The following SRSF7 variants were observed in gnomAD, a reference collection of about 807,000 sequenced individuals.
The protein encoded by SRSF7 is serine/arginine-rich splicing factor 7.
SRSF7 carries 15 observed loss-of-function variants against 42.2 expected under a neutral mutation model. That is an observed-to-expected ratio of 0.36 (90% CI 0.24 to 0.55). The LOEUF is 0.55. Among genes scored for constraint, SRSF7 ranks in the 20% least tolerant of loss-of-function variants. The pLI is 0.88. For synonymous variants in SRSF7, 138 were observed against 107.9 expected, an observed-to-expected ratio of 1.28 and a Z score of -1.73; for missense variants, 181 against 305.9, an observed-to-expected ratio of 0.59 and a Z score of 3.04.
rs190607260 is a variant in SRSF7 at position 38,746,921 on chromosome 2, A to G, written c.573-174T>C. 777 of 1,096,264 alleles carry G rather than the reference A, an allele frequency of 7.1e-4. 5 individuals carry two copies. The African/African-American group carries it at 0.011, about 16-fold the overall frequency. 67.9% of individuals were successfully genotyped at this position (1,096,264 alleles called of 1,614,324 possible). A position where few individuals can be genotyped will look rare whatever the true frequency, so the allele number is the denominator to read the frequency against. On this transcript the variant is annotated intron_variant, in intron 5 of 7. Coordinates refer to ENST00000313117, the MANE Select transcript of SRSF7 (RefSeq NM_001031684.3). ...AAACAAAGTGTTACCAGACATAAGG[A>G]ACCCCCATTTCAATTACTTGTTTCT...
At chr2:38,750,539 G>A (rs1668153691) in intron 1 of SRSF7, among the ~76,000 whole-genome samples, 1 of 151,702 alleles carries the variant, frequency 6.6e-6, no homozygotes, top group Admixed American at 6.6e-5. Context: ...GCCCGCAGCG[G>A]CAGCGGCGTC....
Position 38,749,693 on chromosome 2 carries a change from G to A in SRSF7, c.222C>T (p.Gly74=). The A allele has an allele frequency of 2.6e-6, 4 of 1,554,168 alleles. No individual in the cohort carries two copies. The South Asian group carries it at 3.7e-5, about 14-fold the overall frequency. ...VRGLDGKVIC[G]SRVRVELSTG... is the part of the protein sequence containing the mutation. ...TCGATAGTTCAACCCTCACTCGGGA[G>A]CCACAAATCACCCTAATAAAAGCAA... Residue 74 remains glycine, a synonymous_variant, in exon 3 of 8, where the codon GGC becomes GGT. Coordinates refer to ENST00000313117, the MANE Select transcript of SRSF7 (RefSeq NM_001031684.3).
intron 7 of SRSF7, among the ~76,000 whole-genome samples, 180 bp downstream of exon 7, chr2:38,745,964 A>G (rs1025698006): frequency 3.9e-5 from 6 of 152,220 alleles, no homozygotes; most frequent in Admixed American, 2.6e-4. Flanking sequence ...ATTTCCAGCA[A>G]AAGTATAAAC....
chr2:38,745,391 G>T (rs747028561), intron 7 of SRSF7, among the ~76,000 whole-genome samples: 1 of 152,176 alleles, frequency 6.6e-6, no homozygotes, highest in Non-Finnish European at 1.5e-5. Context: ...GGTGGCTCAC[G>T]CCTGTAACCC....
chr2:38,751,342 A>G lies in SRSF7; in HGVS notation c.-86T>C. On this transcript the variant is annotated 5_prime_UTR_variant, in exon 1 of 8. Transcript: ENST00000313117. ...AAGCTGACACACACCTTCACCCGCC[A>G]AGAGTCCCGGCGGCACTACGAGGAA... The G allele has an allele frequency of 6.3e-7, 1 of 1,590,420 alleles. No individual in the cohort carries two copies. The highest frequency in any genetic ancestry group is 2.2e-5 in the East Asian group (1 of 44,664).
chr2:38,751,058 C>G, intron 1 of SRSF7, 171 bp downstream of exon 1: 1 of 772,748 alleles, frequency 1.3e-6, no homozygotes, highest in Non-Finnish European at 2.2e-6. Context: ...CACCCGCCAT[C>G]CCGTCTCCCT....
chr2:38,744,559 ACAT>A lies in SRSF7; in HGVS notation c.*571_*573del. The stretch of plus-strand genomic sequence containing the variant: ...TAGTTCCTGTCATGCTCATTTAGAC[ACAT>A]CAGTGGTCCTACTTGCTTCACCACT... On this transcript the variant is annotated 3_prime_UTR_variant, in exon 8 of 8. Transcript: ENST00000313117. The A allele has an allele frequency of 2.0e-5, 3 of 152,410 alleles. No homozygotes were observed. Among genetic ancestry groups the A allele is most frequent in the East Asian group, 3.8e-4 (2 of 5,198 alleles). The allele number at this position is 152,410 out of a possible 1,614,324, so 9.4% of individuals were successfully genotyped here. A position where few individuals can be genotyped will look rare whatever the true frequency, so the allele number is the denominator to read the frequency against.
chr2:38,747,663 A>G (rs758773704), intron 5 of SRSF7, among the ~76,000 whole-genome samples: 2 of 152,158 alleles, frequency 1.3e-5, no homozygotes, highest in Non-Finnish European at 2.9e-5. Flanking sequence ...AAAATGAGAA[A>G]TGTTTCTACT....
intron 1 of SRSF7, among the ~76,000 whole-genome samples, chr2:38,750,469 G>A (rs1241058963): frequency 6.6e-6 from 1 of 151,812 alleles, no homozygotes; most frequent in Non-Finnish European, 1.5e-5. Flanking sequence ...GCGTGGGGCG[G>A]AACCTGGCCC....
intron 3 of SRSF7, chr2:38,748,930 CATGGTCTAGTAGATCTAG>C: frequency 7.5e-7 from 1 of 1,339,122 alleles, no homozygotes; most frequent in Non-Finnish European, 9.6e-7. Context: ...CTCTTTGGCC[CATGGTCTAGTAGATCTAG>C]ACGATCTAGA....
rs11901672 is a variant in SRSF7 at position 38,749,783 on chromosome 2, A to G, written c.210-78T>C. 5,850 of 1,411,388 alleles carry G rather than the reference A, an allele frequency of 4.1e-3. 210 individuals are homozygous for G. The African/African-American group carries it at 0.076, about 18-fold the overall frequency. 87.4% of individuals were successfully genotyped at this position (1,411,388 alleles called of 1,614,324 possible). On this transcript the variant is annotated intron_variant, in intron 2 of 7. Coordinates refer to ENST00000313117, the MANE Select transcript of SRSF7 (RefSeq NM_001031684.3). ...ATAGATTTAAAAAGAACTCTTTCCAACCACTCACTCTTTCCAACCACTCCT... is the reference window on the plus strand; with the variant it reads ...ATAGATTTAAAAAGAACTCTTTCCAGCCACTCACTCTTTCCAACCACTCCT...
At chr2:38,747,093 A>G (rs1477464492) in intron 5 of SRSF7, 1 of 486,814 alleles carries the variant, frequency 2.1e-6, no homozygotes, top group East Asian at 6.4e-5. Context: ...TCAGCTGGGC[A>G]CTGTGGTACA....
Position 38,743,976 on chromosome 2 carries a change from G to A in SRSF7, c.*1157C>T. ...AAAACTCTCAAAAGTAACTGTTACTGCCCTACTATTCTTAAGATACTTAAA... is the reference window on the plus strand; with the variant it reads ...AAAACTCTCAAAAGTAACTGTTACTACCCTACTATTCTTAAGATACTTAAA... On this transcript the variant is annotated 3_prime_UTR_variant, in exon 8 of 8. Transcript: ENST00000313117. 3.6e-3 allele frequency: 546 copies of A among 151,384 alleles called. 5 individuals carry two copies. Among genetic ancestry groups the A allele is most frequent in the African/African-American group, 0.013 (524 of 41,162 alleles). 9.4% of individuals were successfully genotyped at this position (151,384 alleles called of 1,614,324 possible). A position where few individuals can be genotyped will look rare whatever the true frequency, so the allele number is the denominator to read the frequency against.
intron 2 of SRSF7, 30 bp downstream of exon 2, chr2:38,749,984 T>G: frequency 6.3e-7 from 1 of 1,581,274 alleles, no homozygotes; most frequent in Non-Finnish European, 8.6e-7. Context: ...TATATTTTAA[T>G]GAACAGAAGA....
chr2:38,745,505 A>C (rs1456869370), intron 7 of SRSF7, among the ~76,000 whole-genome samples: 1 of 152,070 alleles, frequency 6.6e-6, no homozygotes, highest in Non-Finnish European at 1.5e-5. Flanking sequence ...AATACAAAAA[A>C]TTAGCCAGGC....
chr2:38,745,098 AAAT>A lies in SRSF7; in HGVS notation c.*32_*34del. Reference sequence around the variant, plus strand: ...CAAATCCCTTATAATAATGTAAACAAAATAACTTTTCCCTAAAGGGTGAACTTG... The same window carrying A: ...CAAATCCCTTATAATAATGTAAACAAAACTTTTCCCTAAAGGGTGAACTTG... On this transcript the variant is annotated 3_prime_UTR_variant, in exon 8 of 8. Transcript: ENST00000313117. 1 of 1,610,258 alleles carries A rather than the reference AAAT, an allele frequency of 6.2e-7. No homozygotes were observed. The highest frequency in any genetic ancestry group is 8.5e-7 in the Non-Finnish European group (1 of 1,176,890).
In SRSF7 at chr2:38,748,648, C is replaced by T; in HGVS notation, c.392G>A (p.Arg131Gln). The T allele has an allele frequency of 1.9e-6, 3 of 1,614,046 alleles. No individual in the cohort carries two copies. Among genetic ancestry groups the T allele is most frequent in the Admixed American group, 1.7e-5 (1 of 60,006 alleles). Residue 131 changes from arginine to glutamine, a missense_variant, in exon 4 of 8, where the codon CGG becomes CAG. Around this residue, in one of 2 missense-constraint regions of SRSF7, gnomAD observed 136 missense variants for 147.8 expected, o/e 0.92. Transcript: ENST00000313117. ...TCTGGATCGAGAATGTGATCTAGAC[C>T]GTGACCTATTTTTCAAGTTAGAGAA... The part of the protein sequence containing the change: ...RYSRRRRSRS[R>Q]SRSHSRSRGR...
chr2:38,745,916 C>G (rs1301778386), intron 7 of SRSF7, among the ~76,000 whole-genome samples: 1 of 152,122 alleles, frequency 6.6e-6, no homozygotes. Flanking sequence ...CAGGACCAAT[C>G]ACATCTTAAT....
chr2:38,748,787 T>A, intron 3 of SRSF7, 134 bp from the exon 4 acceptor site: 1 of 1,219,142 alleles, frequency 8.2e-7, no homozygotes, highest in Non-Finnish European at 1.1e-6. Flanking sequence ...TCTGGGCCTA[T>A]TAGTTGTTGA....
Sources: allele counts gnomAD v4.1 joint callset (sites outside exome capture counted in the v4.1 genomes callset), GRCh38; gene constraint gnomAD v4.1.1; regional missense constraint gnomAD v4.1.1; transcripts MANE v1.5; gene names NCBI Gene and HGNC (gene_info 2026-07-23, HGNC 2026-07-21).